The following BCAS3 variants were observed in gnomAD, a reference collection of about 807,000 sequenced individuals.
BCAS3 encodes the protein BCAS3 microtubule associated cell migration factor.
BCAS3 carries 53 observed loss-of-function variants against 116.1 expected under a neutral mutation model. The observed-to-expected ratio is 0.46, with a 90% confidence interval of 0.37 to 0.57. The LOEUF is 0.57. Ranked by LOEUF, BCAS3 falls within the 20% of genes least tolerant of loss-of-function variation. The pLI, the probability that BCAS3 is intolerant of heterozygous loss-of-function variation, is 0.00. For missense variants in BCAS3, 917 were observed against 1,165.4 expected, an observed-to-expected ratio of 0.79 and a Z score of 3.10; for synonymous variants, 391 against 408.2, an observed-to-expected ratio of 0.96 and a Z score of 0.51.
chr17:61,390,412 C>G lies in BCAS3; in HGVS notation c.2594-1565C>G, dbSNP rs192548834. ...TGACTTTCCCAGGCAGCCAATGTCC[C>G]CTGGAGGTCAGGGACCATAGTCAGG... On this transcript the variant is annotated intron_variant, in intron 23 of 23. Coordinates refer to ENST00000407086, the MANE Select transcript of BCAS3 (RefSeq NM_017679.5). The surrounding 1 kb of genome is among the most constrained non-coding windows in gnomAD (Gnocchi z 6.8). 6.6e-6 allele frequency: 1 copy of G among 152,388 alleles called. No homozygotes were observed. The highest frequency in any genetic ancestry group is 1.9e-4 in the East Asian group (1 of 5,188). The allele number at this position is 152,388 out of a possible 1,614,324, so 9.4% of individuals were successfully genotyped here. A position where few individuals can be genotyped will look rare whatever the true frequency, so the allele number is the denominator to read the frequency against.
At position 60,846,572 on chromosome 17, in the gene BCAS3, TC is replaced by T. The variant is rs148569645; in HGVS notation, c.477-22002del. 2.2e-3 allele frequency among the ~76,000 whole-genome samples: 334 copies of T among 152,320 alleles called. 6 individuals carry two copies. The East Asian group carries it at 0.031, about 14-fold the overall frequency. ...TTATAATTGTGGATTTGTCTATTTT[TC>T]CTTTCAGCTCTACCCATTTTTACTT... On this transcript the variant is annotated intron_variant, in intron 7 of 23. Transcript: ENST00000407086.
At position 61,144,119 on chromosome 17, in the gene BCAS3, A is replaced by G. The variant is rs1412311761; in HGVS notation, c.2425+59555A>G. Among the ~76,000 whole-genome samples the G allele has an allele frequency of 6.6e-6, 1 of 151,774 alleles. No individual in the cohort carries two copies. Among genetic ancestry groups the G allele is most frequent in the East Asian group, 1.9e-4 (1 of 5,186 alleles). On this transcript the variant is annotated intron_variant, in intron 22 of 23. Transcript: ENST00000407086. This position sits in a 1 kb window ranked among gnomAD's most constrained non-coding sequence, Gnocchi z 5.0. ...ATAGGAGGACAGTTGACTCCTTTCTACTCTTTTTTTTGCCGTTGTCCCTAT... is the reference window on the plus strand; with the variant it reads ...ATAGGAGGACAGTTGACTCCTTTCTGCTCTTTTTTTTGCCGTTGTCCCTAT...
chr17:60,758,502 T>C (rs2043205946), intron 6 of BCAS3, among the ~76,000 whole-genome samples: 1 of 152,134 alleles, frequency 6.6e-6, no homozygotes, highest in African/African-American at 2.4e-5. Context: ...TGCCTCAGCC[T>C]CCCGAGTAGC....
At chr17:61,331,912 AACTGAGCCCATG>A (rs1414665806) in intron 22 of BCAS3, among the ~76,000 whole-genome samples, 4 of 152,134 alleles carry the variant, frequency 2.6e-5, no homozygotes, top group African/African-American at 4.8e-5. Flanking sequence ...ATCTGCCCAT[AACTGAGCCCATG>A]ATGGGCTCGA....
At chr17:60,914,146 A>G (rs964747989) in intron 12 of BCAS3, among the ~76,000 whole-genome samples, 2 of 152,124 alleles carry the variant, frequency 1.3e-5, no homozygotes, top group African/African-American at 4.8e-5. Flanking sequence ...TGCTTTGTTT[A>G]ATGTAGTCAG....
rs796979145 is a variant in BCAS3, at chr17:61,282,561, G to A, written c.2426-85766G>A. 2.9e-4 allele frequency among the ~76,000 whole-genome samples: 44 copies of A among 152,332 alleles called. 2 individuals are homozygous for A. Among genetic ancestry groups the A allele is most frequent in the African/African-American group, 1.0e-3 (43 of 41,566 alleles). ...TACTCTTAGACAGATGTGACTTCCT[G>A]TGTCAGCGAGGGAGGCTCCAAGGAC... On this transcript the variant is annotated intron_variant, in intron 22 of 23. Coordinates refer to ENST00000407086, the MANE Select transcript of BCAS3 (RefSeq NM_017679.5). This position sits in a 1 kb window ranked among gnomAD's most constrained non-coding sequence, Gnocchi z 5.9.
At position 61,276,707 on chromosome 17, in the gene BCAS3, A is replaced by T. The variant is rs571338398; in HGVS notation, c.2426-91620A>T. Among the ~76,000 whole-genome samples the T allele has an allele frequency of 6.6e-6, 1 of 152,310 alleles. No individual in the cohort carries two copies. The highest frequency in any genetic ancestry group is 2.1e-4 in the South Asian group (1 of 4,826). On this transcript the variant is annotated intron_variant, in intron 22 of 23. Transcript: ENST00000407086. This position sits in a 1 kb window ranked among gnomAD's most constrained non-coding sequence, Gnocchi z 4.2. ...CTTATTTGCAGAAATTGACAAGCTGATCCTAAAATTTACATATAAATTCAA... is the reference window on the plus strand; with the variant it reads ...CTTATTTGCAGAAATTGACAAGCTGTTCCTAAAATTTACATATAAATTCAA...
intron 22 of BCAS3, among the ~76,000 whole-genome samples, chr17:61,267,106 G>T (rs1348352789): frequency 6.6e-6 from 1 of 152,198 alleles, no homozygotes; most frequent in East Asian, 1.9e-4. Flanking sequence ...CGCCCAGGCT[G>T]GAGTGCAGTG....
Position 61,019,139 on chromosome 17 carries a change from A to T in BCAS3, c.1637+3238A>T, listed in dbSNP as rs921571281. ...TGGCCTGTTAGGAACTGAGCCGCACAGCAGGAGGTGAACAACAGGCGAGTG... is the reference window on the plus strand; with the variant it reads ...TGGCCTGTTAGGAACTGAGCCGCACTGCAGGAGGTGAACAACAGGCGAGTG... On this transcript the variant is annotated intron_variant, in intron 16 of 23. Coordinates refer to ENST00000407086, the MANE Select transcript of BCAS3 (RefSeq NM_017679.5). This position sits in a 1 kb window ranked among gnomAD's most constrained non-coding sequence, Gnocchi z 5.6. Among the ~76,000 whole-genome samples the T allele has an allele frequency of 4.6e-5, 7 of 152,214 alleles. No homozygotes were observed. The highest frequency in any genetic ancestry group is 1.7e-4 in the African/African-American group (7 of 41,468).
chr17:61,375,551 G>A (rs189533819), intron 23 of BCAS3, among the ~76,000 whole-genome samples: 83 of 151,378 alleles, frequency 5.5e-4, no homozygotes, highest in African/African-American at 1.9e-3. Flanking sequence ...GTAGGCACCA[G>A]TACCATGTGT....
rs979651616 is a variant in BCAS3 at position 61,316,526 on chromosome 17, G to A, written c.2426-51801G>A. Among the ~76,000 whole-genome samples the A allele has an allele frequency of 2.0e-5, 3 of 151,974 alleles. No homozygotes were observed. Among genetic ancestry groups the A allele is most frequent in the Non-Finnish European group, 2.9e-5 (2 of 68,000 alleles). On this transcript the variant is annotated intron_variant, in intron 22 of 23. Coordinates refer to ENST00000407086, the MANE Select transcript of BCAS3 (RefSeq NM_017679.5). This position sits in a 1 kb window ranked among gnomAD's most constrained non-coding sequence, Gnocchi z 5.8. Reference sequence around the variant, plus strand: ...CCTATTTGCCTCCACATGCCGCCGCGTCCCTTCCACAGCTCCCCTGCAGTA... The same window carrying A: ...CCTATTTGCCTCCACATGCCGCCGCATCCCTTCCACAGCTCCCCTGCAGTA...
At chr17:61,311,895 A>G (rs2054341437) in intron 22 of BCAS3, among the ~76,000 whole-genome samples, 1 of 130,920 alleles carries the variant, frequency 7.6e-6, no homozygotes, top group Non-Finnish European at 1.5e-5. Flanking sequence ...CTCCATCTCA[A>G]AAAAAAGCAT....
At chr17:60,758,020 CCTTGTGTATATT>C (rs2043166718) in intron 6 of BCAS3, among the ~76,000 whole-genome samples, 1 of 152,018 alleles carries the variant, frequency 6.6e-6, no homozygotes, top group Non-Finnish European at 1.5e-5. Context: ...AGGTCTTTTC[CCTTGTGTATATT>C]CTTGGAGTCT....
At chr17:60,763,524 C>G (rs537500700) in intron 6 of BCAS3, among the ~76,000 whole-genome samples, 156 of 151,106 alleles carry the variant, frequency 1.0e-3, no homozygotes, top group African/African-American at 3.4e-3. Context: ...GTTGAACCAG[C>G]CTTGCATCCC....
Position 61,034,900 on chromosome 17 carries a change from AT to A in BCAS3, c.1762+117del. 4.9e-6 allele frequency: 5 copies of A among 1,019,544 alleles called. No individual in the cohort carries two copies. Among genetic ancestry groups the A allele is most frequent in the Non-Finnish European group, 7.1e-6 (5 of 704,254 alleles). The allele number at this position is 1,019,544 out of a possible 1,614,324, so 63.2% of individuals were successfully genotyped here. A position where few individuals can be genotyped will look rare whatever the true frequency, so the allele number is the denominator to read the frequency against. On this transcript the variant is annotated intron_variant, in intron 17 of 23. Coordinates refer to ENST00000407086, the MANE Select transcript of BCAS3 (RefSeq NM_017679.5). This position sits in a 1 kb window ranked among gnomAD's most constrained non-coding sequence, Gnocchi z 5.0. The stretch of plus-strand genomic sequence containing the variant: ...CTTGTACCCAGTAGTCTGGAAACCA[AT>A]TTTTTTAATGTAATTAGCATGTCAC...
At chr17:61,085,209 G>A (rs578236265) in intron 22 of BCAS3, among the ~76,000 whole-genome samples, 7 of 152,210 alleles carry the variant, frequency 4.6e-5, no homozygotes, top group East Asian at 1.9e-4. Flanking sequence ...ATATTTTCTC[G>A]TCTCTAAGTC....
chr17:61,081,629 G>A (rs2072617824), intron 21 of BCAS3, among the ~76,000 whole-genome samples: 1 of 152,140 alleles, frequency 6.6e-6, no homozygotes, highest in Non-Finnish European at 1.5e-5. Flanking sequence ...ACTTTCAGCA[G>A]GTAAGCTTGG....
chr17:61,228,948 T>C lies in BCAS3; in HGVS notation c.2426-139379T>C, dbSNP rs1273534926. Among the ~76,000 whole-genome samples the C allele has an allele frequency of 6.6e-6, 1 of 151,958 alleles. No individual in the cohort carries two copies. The highest frequency in any genetic ancestry group is 1.5e-5 in the Non-Finnish European group (1 of 68,016). On this transcript the variant is annotated intron_variant, in intron 22 of 23. Transcript: ENST00000407086. The surrounding 1 kb of genome is among the most constrained non-coding windows in gnomAD (Gnocchi z 5.0). ...TGAAAGCTAGTCCTCTTGCAGCAGT[T>C]AGCCGAGTTGTTAATGTAAAGGAAA...
rs1177023498 is a variant in BCAS3 at position 61,368,154 on chromosome 17, C to T, written c.2426-173C>T. On this transcript the variant is annotated intron_variant, in intron 22 of 23. Coordinates refer to ENST00000407086, the MANE Select transcript of BCAS3 (RefSeq NM_017679.5). This position sits in a 1 kb window ranked among gnomAD's most constrained non-coding sequence, Gnocchi z 6.0. ...GTCACTCCAGAGGTCTGCACTCTCT[C>T]AGCGGCATGAGCTATTTCTCCTGCG... 8.5e-6 allele frequency: 5 copies of T among 588,236 alleles called. No individual in the cohort carries two copies. The highest frequency in any genetic ancestry group is 1.4e-5 in the Non-Finnish European group (5 of 349,678). 36.4% of individuals were successfully genotyped at this position (588,236 alleles called of 1,614,324 possible).
Sources: gnomAD v4.1 joint callset for allele counts (sites outside exome capture counted in the v4.1 genomes callset) on GRCh38, gnomAD v4.1.1 for gene constraint, Gnocchi (gnomAD v3.1) non-coding constraint, MANE v1.5 for transcripts, NCBI Gene and HGNC (gene_info 2026-07-23, HGNC 2026-07-21) for gene names.